The following EML4 variants were observed in gnomAD, a reference collection of about 807,000 sequenced individuals.
EML4 encodes the protein echinoderm microtubule-associated protein-like 4.
Under a neutral mutation model 129.0 loss-of-function variants are expected in EML4, and 72 were observed. The observed-to-expected ratio is 0.56, with a 90% CI of 0.46 to 0.68. EML4 has a LOEUF of 0.68. Among genes scored for constraint, EML4 ranks in the 30% least tolerant of loss-of-function variants. The pLI is 0.00. For missense variants in EML4, 1,363 were observed against 1,190.6 expected, an observed-to-expected ratio of 1.14 and a Z score of -2.13; for synonymous variants, 532 against 405.0, an observed-to-expected ratio of 1.31 and a Z score of -3.77.
intron 1 of EML4, among the ~76,000 whole-genome samples, chr2:42,238,006 A>G (rs1674782790): frequency 1.3e-5 from 2 of 152,240 alleles, no homozygotes; most frequent in South Asian, 4.1e-4. Flanking sequence ...GGTGTCTGAA[A>G]TAGTGACACC....
chr2:42,184,990 CT>C (rs959475085), intron 1 of EML4, among the ~76,000 whole-genome samples: 3 of 152,134 alleles, frequency 2.0e-5, no homozygotes, highest in African/African-American at 7.2e-5. Flanking sequence ...ATAAAATTCT[CT>C]TTAACTTTTT....
At chr2:42,229,072 G>C (rs1674158921) in intron 1 of EML4, among the ~76,000 whole-genome samples, 1 of 152,038 alleles carries the variant, frequency 6.6e-6, no homozygotes. Context: ...CTTTGATCGT[G>C]TACCCTAGGT....
At chr2:42,283,342 A>G (rs1302199278) in intron 8 of EML4, among the ~76,000 whole-genome samples, 1 of 152,198 alleles carries the variant, frequency 6.6e-6, no homozygotes, top group Non-Finnish European at 1.5e-5. Context: ...TGTCCTATGT[A>G]GATAAATTTT....
Position 42,214,004 on chromosome 2 carries a change from G to A in EML4, c.26-31501G>A, listed in dbSNP as rs144776358. Among the ~76,000 whole-genome samples the A allele has an allele frequency of 2.7e-3, 409 of 152,202 alleles. 3 individuals carry two copies. The highest frequency in any genetic ancestry group is 0.024 in the Admixed American group (366 of 15,288). ...TAGTCAGAGAACTTTGTCTTATTGT[G>A]TATATCAAATATTATGGTAAACGGT... On this transcript the variant is annotated intron_variant, in intron 1 of 22. Coordinates refer to ENST00000318522, the MANE Select transcript of EML4 (RefSeq NM_019063.5).
At chr2:42,195,489 T>G (rs576276621) in intron 1 of EML4, among the ~76,000 whole-genome samples, 50 of 152,208 alleles carry the variant, frequency 3.3e-4, no homozygotes, top group African/African-American at 9.6e-4. Context: ...TGAAATCCGT[T>G]TGTTAGGTTT....
chr2:42,216,986 A>G (rs998012725), intron 1 of EML4, among the ~76,000 whole-genome samples: 5 of 152,252 alleles, frequency 3.3e-5, no homozygotes, highest in Admixed American at 6.5e-5. Flanking sequence ...CAAAAGCAAC[A>G]GACAAGGAAG....
intron 7 of EML4, among the ~76,000 whole-genome samples, chr2:42,281,335 G>A (rs1002917622): frequency 2.0e-5 from 3 of 151,394 alleles, no homozygotes; most frequent in South Asian, 2.1e-4. Flanking sequence ...GGAGGTTGCA[G>A]TGAGCCAAGA....
chr2:42,210,773 T>G (rs1474223037), intron 1 of EML4, among the ~76,000 whole-genome samples: 2 of 152,206 alleles, frequency 1.3e-5, no homozygotes, highest in Non-Finnish European at 2.9e-5. Context: ...CTATGTTCCT[T>G]TGACATACTC....
chr2:42,223,308 A>C (rs1212521152), intron 1 of EML4, among the ~76,000 whole-genome samples: 1 of 152,134 alleles, frequency 6.6e-6, no homozygotes, highest in Non-Finnish European at 1.5e-5. Flanking sequence ...GTAGCAGTTC[A>C]CAAATGCACC....
chr2:42,277,326 G>C (rs192234869), intron 6 of EML4, among the ~76,000 whole-genome samples: 112 of 152,268 alleles, frequency 7.4e-4, no homozygotes, highest in Middle Eastern at 3.4e-3. Context: ...ATACAGATCA[G>C]GATGACTGCA....
intron 1 of EML4, among the ~76,000 whole-genome samples, chr2:42,208,795 C>CTT (rs370364881): frequency 0.053 from 7,634 of 144,874 alleles, 603 homozygotes; most frequent in African/African-American, 0.17. Context: ...TTCTGTCTGG[C>CTT]TTTTTTTTTT....
chr2:42,174,977 T>C (rs6544511), intron 1 of EML4, among the ~76,000 whole-genome samples: 112,628 of 151,804 alleles, frequency 0.74, 42,813 homozygotes, highest in African/African-American at 0.9. Flanking sequence ...CCAGCATGTC[T>C]GGCTAATTTT....
intron 1 of EML4, among the ~76,000 whole-genome samples, chr2:42,173,414 A>C (rs1317597512): frequency 6.6e-6 from 1 of 152,228 alleles, no homozygotes. Flanking sequence ...AGCATCTTCA[A>C]CATGAGTTAG....
chr2:42,307,078 A>G (rs1246923900), intron 17 of EML4, among the ~76,000 whole-genome samples: 3 of 152,270 alleles, frequency 2.0e-5, no homozygotes, highest in Admixed American at 2.0e-4. Context: ...GGAGTTAAAC[A>G]CTAAATGGGC....
At chr2:42,319,630 G>A (rs1381619370) in intron 19 of EML4, 1 of 152,138 alleles carries the variant, frequency 6.6e-6, no homozygotes, top group Non-Finnish European at 1.5e-5. Context: ...GGCAAAACTG[G>A]GTCAACACTG....
At chr2:42,200,446 G>A (rs145309116) in intron 1 of EML4, among the ~76,000 whole-genome samples, 1 of 152,298 alleles carries the variant, frequency 6.6e-6, no homozygotes, top group East Asian at 1.9e-4. Flanking sequence ...TTTGAATTTG[G>A]CATAAATGCT....
At chr2:42,219,919 C>T (rs940611041) in intron 1 of EML4, among the ~76,000 whole-genome samples, 5 of 114,910 alleles carry the variant, frequency 4.4e-5, no homozygotes, top group Admixed American at 2.4e-4. Flanking sequence ...GAAGGAGACT[C>T]CATCTAAAAA....
At chr2:42,245,278 T>A (rs1239113113) in intron 1 of EML4, among the ~76,000 whole-genome samples, 2 of 151,462 alleles carry the variant, frequency 1.3e-5, no homozygotes, top group African/African-American at 4.9e-5. Context: ...GTGGTGTTAG[T>A]AGAGACGGGG....
chr2:42,300,359 T>C (rs1668213433), intron 13 of EML4, among the ~76,000 whole-genome samples: 1 of 152,220 alleles, frequency 6.6e-6, no homozygotes, highest in African/African-American at 2.4e-5. Context: ...GTATGAGTAC[T>C]ATCATCTTAT....
Sources: allele counts gnomAD v4.1 joint callset (sites outside exome capture counted in the v4.1 genomes callset), GRCh38; gene constraint gnomAD v4.1.1; transcripts MANE v1.5; gene names NCBI Gene and HGNC (gene_info 2026-07-23, HGNC 2026-07-21).